Variants in LAMP1 observed in about 807,000 individuals in gnomAD.
LAMP1 encodes lysosome associated membrane protein 1, also known as lysosome-associated membrane glycoprotein 1.
In LAMP1, 7 loss-of-function variants were observed where a neutral mutation model predicts 37.5. That is an observed-to-expected ratio of 0.19 (90% confidence interval 0.11 to 0.35). The LOEUF is 0.35. LAMP1 is among the 10% of genes least tolerant of loss of function. The pLI, the probability that LAMP1 is intolerant of heterozygous loss-of-function variation, is 1.00. For missense variants in LAMP1, 537 were observed against 552.8 expected, an observed-to-expected ratio of 0.97 and a Z score of 0.29; for synonymous variants, 236 against 229.1, an observed-to-expected ratio of 1.03 and a Z score of -0.27.
Position 113,301,858 on chromosome 13 carries a change from C to CTTTTTTTTT in LAMP1, c.61+4377_61+4385dup, listed in dbSNP as rs539321614. On this transcript the variant is annotated intron_variant, in intron 1 of 8. Coordinates refer to ENST00000332556, the MANE Select transcript of LAMP1 (RefSeq NM_005561.4). ...GCCAAGAAAAACTAAGATGTGATTT[C>CTTTTTTTTT]TTTTTTTTTTTTTTTTTTTTTTGAG... Among the ~76,000 whole-genome samples the CTTTTTTTTT allele has an allele frequency of 4.9e-3, 361 of 74,304 alleles. 24 individuals are homozygous for CTTTTTTTTT. Among genetic ancestry groups the CTTTTTTTTT allele is most frequent in the African/African-American group, 0.018 (350 of 19,552 alleles). 48.7% of individuals were successfully genotyped at this position (74,304 alleles called of 152,430 possible). A position where few individuals can be genotyped will look rare whatever the true frequency, so the allele number is the denominator to read the frequency against.
intron 1 of LAMP1, among the ~76,000 whole-genome samples, chr13:113,301,644 AATATATATATATATATATATATATAT>A (rs1178393830): frequency 0.12 from 479 of 3,852 alleles, 17 homozygotes; most frequent in Admixed American, 0.26. Context: ...AAAAAAAAAA[AATATATATATATATATATATATATAT>A]ATATATATAT....
chr13:113,303,267 C>G (rs889897858), intron 1 of LAMP1, among the ~76,000 whole-genome samples: 1 of 152,184 alleles, frequency 6.6e-6, no homozygotes, highest in Non-Finnish European at 1.5e-5. Flanking sequence ...CTCAGAAGCA[C>G]GCATGCTTCC....
chr13:113,320,022 C>T lies in LAMP1; in HGVS notation c.751-323C>T, dbSNP rs563437360. Among the ~76,000 whole-genome samples the T allele has an allele frequency of 2.0e-5, 3 of 152,120 alleles. No individual in the cohort carries two copies. The highest frequency in any genetic ancestry group is 4.4e-5 in the Non-Finnish European group (3 of 68,028). On this transcript the variant is annotated intron_variant, in intron 5 of 8. Coordinates refer to ENST00000332556, the MANE Select transcript of LAMP1 (RefSeq NM_005561.4). The surrounding 1 kb of genome is among the most constrained non-coding windows in gnomAD (Gnocchi z 4.4). The stretch of plus-strand genomic sequence containing the variant: ...GTTTTCTTTTGAAATAGTTTTTCTC[C>T]CCTAGTAGTGACAGGCTGTGGGGTT...
At chr13:113,301,974 T>A (rs541344697) in intron 1 of LAMP1, among the ~76,000 whole-genome samples, 1 of 146,216 alleles carries the variant, frequency 6.8e-6, no homozygotes, top group South Asian at 2.2e-4. Context: ...GCCATTCTCC[T>A]GCCTCAGCCT....
intron 1 of LAMP1, among the ~76,000 whole-genome samples, chr13:113,302,619 G>T (rs1448340858): frequency 6.6e-6 from 1 of 151,964 alleles, no homozygotes; most frequent in Non-Finnish European, 1.5e-5. Context: ...TAAGAGACAA[G>T]GTCTTGCTGT....
rs2042690674 is a variant in LAMP1 at position 113,320,293 on chromosome 13, G to A, written c.751-52G>A. 1.9e-6 allele frequency: 3 copies of A among 1,608,494 alleles called. No individual in the cohort carries two copies. In the South Asian group the frequency reaches 3.3e-5, roughly 18 times the overall value. On this transcript the variant is annotated intron_variant, in intron 5 of 8. Transcript: ENST00000332556. This position sits in a 1 kb window ranked among gnomAD's most constrained non-coding sequence, Gnocchi z 4.4. ...GTTTCAGGACTGTTTGTCTTTTCGA[G>A]AGTGTGGAGGACCTGAGCTAGGGTG... is the stretch of plus-strand genomic sequence containing the variant.
chr13:113,311,299 G>A (rs2042629860), intron 4 of LAMP1, among the ~76,000 whole-genome samples: 1 of 152,220 alleles, frequency 6.6e-6, no homozygotes. Context: ...ATATTGCTAA[G>A]TAGATTTTAA....
At chr13:113,311,396 C>T (rs536934192) in intron 4 of LAMP1, among the ~76,000 whole-genome samples, 25 of 152,294 alleles carry the variant, frequency 1.6e-4, no homozygotes, top group African/African-American at 4.8e-4. Context: ...ACATGGTAAA[C>T]GTATACAATT....
intron 1 of LAMP1, among the ~76,000 whole-genome samples, chr13:113,301,643 AAATATATATAT>A (rs1201270627): frequency 1.0e-3 from 5 of 4,854 alleles, no homozygotes; most frequent in African/African-American, 4.6e-3. Flanking sequence ...AAAAAAAAAA[AAATATATATAT>A]ATATATATAT....
At chr13:113,313,020 AG>A (rs1326175922) in intron 4 of LAMP1, among the ~76,000 whole-genome samples, 5 of 152,144 alleles carry the variant, frequency 3.3e-5, no homozygotes, top group East Asian at 1.9e-4. Context: ...TCTCTGTCAG[AG>A]CTTGGGAAAT....
intron 1 of LAMP1, among the ~76,000 whole-genome samples, chr13:113,298,635 T>C (rs3891398): frequency 0.073 from 11,108 of 152,286 alleles, 1,282 homozygotes; most frequent in African/African-American, 0.25. Flanking sequence ...TTGCCTGTTG[T>C]GTAAAATGAA....
intron 8 of LAMP1, chr13:113,322,074 G>C (rs980705996): frequency 1.8e-5 from 11 of 599,924 alleles, no homozygotes; most frequent in African/African-American, 5.6e-5. Flanking sequence ...GATTCCAGAC[G>C]GGGGAGAGAC....
chr13:113,304,538 A>G (rs1373395630), intron 1 of LAMP1, among the ~76,000 whole-genome samples: 1 of 152,270 alleles, frequency 6.6e-6, no homozygotes, highest in African/African-American at 2.4e-5. Context: ...AAATGCCGTT[A>G]GTATGATCCT....
intron 4 of LAMP1, among the ~76,000 whole-genome samples, chr13:113,318,516 T>C (rs1415991116): frequency 6.6e-6 from 1 of 152,124 alleles, no homozygotes; most frequent in Non-Finnish European, 1.5e-5. Context: ...TCAAGGTTGA[T>C]GGTGTGTTAG....
In LAMP1 at chr13:113,319,556, C is replaced by T. The variant is rs1255706729; in HGVS notation, c.650C>T (p.Pro217Leu). The change falls in exon 5 of 9, where the codon CCC (proline) becomes CTC (leucine). Residue 217 changes from proline (P) to leucine (L), a missense_variant. Coordinates refer to ENST00000332556, the MANE Select transcript of LAMP1 (RefSeq NM_005561.4). ...SPSPSPVPKSPSVDKYNVSGT... is the reference protein window; with the variant it reads ...SPSPSPVPKSLSVDKYNVSGT... ...TCGCCCTCACCCGTGCCCAAGAGCCCCTCTGTGGACAAGTACAACGTGAGC... is the reference window on the plus strand; with the variant it reads ...TCGCCCTCACCCGTGCCCAAGAGCCTCTCTGTGGACAAGTACAACGTGAGC... The T allele has an allele frequency of 1.9e-6, 3 of 1,613,916 alleles. No individual in the cohort carries two copies. Among genetic ancestry groups the T allele is most frequent in the African/African-American group, 1.3e-5 (1 of 74,950 alleles).
At chr13:113,303,123 C>T (rs1234697796) in intron 1 of LAMP1, among the ~76,000 whole-genome samples, 1 of 152,226 alleles carries the variant, frequency 6.6e-6, no homozygotes, top group East Asian at 1.9e-4. Flanking sequence ...TGCTCAGCTG[C>T]TCCGACAGCC....
At chr13:113,299,681 G>C (rs1169188350) in intron 1 of LAMP1, among the ~76,000 whole-genome samples, 6 of 150,324 alleles carry the variant, frequency 4.0e-5, no homozygotes. Context: ...CAGTTCTCCT[G>C]CCTCAGCCTC....
At chr13:113,300,486 CAAAAAAAAAAA>C (rs781688099) in intron 1 of LAMP1, among the ~76,000 whole-genome samples, 4 of 60,248 alleles carry the variant, frequency 6.6e-5, no homozygotes, top group African/African-American at 1.5e-4. Flanking sequence ...AACTCAATGT[CAAAAAAAAAAA>C]AAAAAAAAGA....
Position 113,321,637 on chromosome 13 carries a change from G to A in LAMP1, c.1024G>A (p.Glu342Lys). The A allele has an allele frequency of 6.2e-7, 1 of 1,614,234 alleles. No individual in the cohort carries two copies. The change falls in exon 8 of 9, where the codon GAG (glutamate) becomes AAG (lysine). Residue 342 changes from glutamate (E) to lysine (K), a missense_variant. By Grantham distance (56) the Glu-to-Lys change is moderately conservative. Transcript: ENST00000332556. This position sits in a 1 kb window ranked among gnomAD's most constrained non-coding sequence, Gnocchi z 5.6. Reference sequence around the variant, plus strand: ...CAATTCCTACAAGTGCAACGCGGAGGAGCACGTCCGTGTCACGAAGGCGTT... The same window carrying A: ...CAATTCCTACAAGTGCAACGCGGAGAAGCACGTCCGTGTCACGAAGGCGTT... ...VGNSYKCNAEEHVRVTKAFSV... is the reference protein window; with the variant it reads ...VGNSYKCNAEKHVRVTKAFSV...
Sources: gnomAD v4.1 joint callset for allele counts (sites outside exome capture counted in the v4.1 genomes callset) on GRCh38, gnomAD v4.1.1 for gene constraint, Gnocchi (gnomAD v3.1) non-coding constraint, MANE v1.5 for transcripts, NCBI Gene and HGNC (gene_info 2026-07-23, HGNC 2026-07-21) for gene names.